Variants in PCLO observed in about 807,000 individuals in gnomAD.
PCLO encodes piccolo presynaptic cytomatrix protein, also known as protein piccolo.
A neutral mutation model predicts 427.5 loss-of-function variants in PCLO; 82 were observed. That is an observed-to-expected ratio of 0.19 (90% confidence interval 0.16 to 0.23). The LOEUF is 0.23. Ranked by LOEUF, PCLO falls within the 10% of genes least tolerant of loss-of-function variation. PCLO has a pLI of 1.00. For synonymous variants in PCLO, 2,357 were observed against 2,155.4 expected, an observed-to-expected ratio of 1.09 and a Z score of -2.59; for missense variants, 6,239 against 6,115.9, an observed-to-expected ratio of 1.02 and a Z score of -0.67.
intron 3 of PCLO, among the ~76,000 whole-genome samples, chr7:83,082,168 AT>A (rs1044895650): frequency 6.6e-6 from 1 of 151,336 alleles, no homozygotes; most frequent in Non-Finnish European, 1.5e-5. Flanking sequence ...AACAATAAAA[AT>A]TTTTCATACG....
chr7:82,785,744 A>G (rs964876301), intron 22 of PCLO, among the ~76,000 whole-genome samples: 2 of 152,176 alleles, frequency 1.3e-5, no homozygotes, highest in African/African-American at 2.4e-5. Context: ...TTCCAGGATC[A>G]AGCATTTTGG....
intron 3 of PCLO, among the ~76,000 whole-genome samples, chr7:83,096,155 T>C (rs116736880): frequency 0.025 from 3,733 of 152,178 alleles, 154 homozygotes; most frequent in African/African-American, 0.084. Flanking sequence ...ACTTCATAAG[T>C]TTTAGAGTGT....
chr7:83,101,604 TGTTA>T (rs1790741263), intron 3 of PCLO, among the ~76,000 whole-genome samples: 3 of 152,136 alleles, frequency 2.0e-5, no homozygotes, highest in East Asian at 1.9e-4. Flanking sequence ...AGTTGATGAG[TGTTA>T]GTTAGCTAAT....
chr7:82,973,497 G>A (rs1795951070), intron 3 of PCLO, among the ~76,000 whole-genome samples: 1 of 152,020 alleles, frequency 6.6e-6, no homozygotes, highest in South Asian at 2.1e-4. Flanking sequence ...CAGTTGAATT[G>A]CTGAATTGAA....
intron 3 of PCLO, among the ~76,000 whole-genome samples, chr7:82,978,694 T>C (rs1178131766): frequency 6.6e-6 from 1 of 152,044 alleles, no homozygotes; most frequent in Non-Finnish European, 1.5e-5. Context: ...GTAAGAATGA[T>C]CAAATCAGAA....
intron 4 of PCLO, among the ~76,000 whole-genome samples, chr7:82,962,561 T>A (rs112652596): frequency 7.9e-4 from 120 of 152,196 alleles, no homozygotes; most frequent in African/African-American, 2.6e-3. Context: ...TAATATTCCC[T>A]GTTTCTCTTA....
chr7:82,918,238 T>C (rs557862979), intron 6 of PCLO, among the ~76,000 whole-genome samples: 1 of 152,140 alleles, frequency 6.6e-6, no homozygotes, highest in African/African-American at 2.4e-5. Flanking sequence ...ATGTCATTTA[T>C]TTCTTCCTAC....
rs758293151 is a variant in PCLO at position 82,916,207 on chromosome 7, T to C, written c.11779A>G (p.Thr3927Ala). The part of the protein sequence containing the change: ...QQVSPYQTQP[T>A]FQAVATMSFT... Reference sequence around the variant, plus strand: ...GACATTGTTGCCACAGCTTGGAATGTTGGCTGAGTCTGATAAGGTGAAACT... The same window carrying C: ...GACATTGTTGCCACAGCTTGGAATGCTGGCTGAGTCTGATAAGGTGAAACT... Residue 3927 changes from threonine to alanine, a missense_variant, in exon 7 of 25, where the codon ACA becomes GCA. Physicochemically the swap from Thr to Ala is moderately conservative, Grantham distance 58. This residue lies in a region of PCLO where 680 missense variants were observed against 677.3 expected (regional missense o/e 1.00). Coordinates refer to ENST00000333891, the MANE Select transcript of PCLO (RefSeq NM_033026.6). The C allele has an allele frequency of 6.2e-7, 1 of 1,613,642 alleles. No individual in the cohort carries two copies. Among genetic ancestry groups the C allele is most frequent in the Admixed American group, 1.7e-5 (1 of 59,980 alleles).
chr7:83,121,799 C>T (rs10257257), intron 3 of PCLO, among the ~76,000 whole-genome samples: 3 of 151,814 alleles, frequency 2.0e-5, no homozygotes, highest in Non-Finnish European at 4.4e-5. Flanking sequence ...TAATGATAAA[C>T]GATTCAATTA....
At chr7:83,099,583 G>A (rs981029707) in intron 3 of PCLO, among the ~76,000 whole-genome samples, 1 of 151,860 alleles carries the variant, frequency 6.6e-6, no homozygotes, top group Non-Finnish European at 1.5e-5. Flanking sequence ...TAGAGACAGG[G>A]TTTCATCATG....
At chr7:83,148,487 G>A (rs1367847757) in intron 2 of PCLO, among the ~76,000 whole-genome samples, 2 of 152,154 alleles carry the variant, frequency 1.3e-5, no homozygotes, top group Non-Finnish European at 2.9e-5. Context: ...CACACCTGAA[G>A]TATGGTAGAT....
intron 3 of PCLO, among the ~76,000 whole-genome samples, chr7:83,037,679 G>A (rs1342198643): frequency 6.6e-6 from 1 of 150,786 alleles, no homozygotes; most frequent in Non-Finnish European, 1.5e-5. Flanking sequence ...GCATATCCTG[G>A]GGCTCTAGCT....
At chr7:83,118,763 A>T (rs917356857) in intron 3 of PCLO, among the ~76,000 whole-genome samples, 1 of 152,118 alleles carries the variant, frequency 6.6e-6, no homozygotes, top group Non-Finnish European at 1.5e-5. Context: ...ATAAATTTGA[A>T]AGGCAGTCTA....
At chr7:82,810,696 T>C (rs1791551221) in intron 20 of PCLO, among the ~76,000 whole-genome samples, 1 of 151,762 alleles carries the variant, frequency 6.6e-6, no homozygotes, top group African/African-American at 2.4e-5. Context: ...AACATCATTG[T>C]GTTTTATTAC....
chr7:82,952,247 T>C lies in PCLO; in HGVS notation c.8706A>G (p.Thr2902=), dbSNP rs529631837. The C allele has an allele frequency of 6.2e-7, 1 of 1,613,918 alleles. No individual in the cohort carries two copies. The highest frequency in any genetic ancestry group is 1.7e-5 in the Admixed American group (1 of 60,012). The change falls in exon 5 of 25, where the codon ACA becomes ACG. Residue 2902 remains threonine (T), a synonymous_variant. Transcript: ENST00000333891. ...TTACGACTGTTCTGTGAGACTTGGT[T>C]GTACTGAGATCCACTACTTCCCCAT... The part of the protein sequence containing the change: ...ITDGEVVDLS[T]TKSHRTVVTM...
At chr7:82,897,097 A>G (rs2116160435) in intron 9 of PCLO, among the ~76,000 whole-genome samples, 1 of 151,778 alleles carries the variant, frequency 6.6e-6, no homozygotes, top group African/African-American at 2.4e-5. Context: ...AAGAGGAAAT[A>G]ACATTTGTTG....
At chr7:83,122,845 C>T (rs375039638) in intron 3 of PCLO, among the ~76,000 whole-genome samples, 8 of 152,036 alleles carry the variant, frequency 5.3e-5, no homozygotes, top group East Asian at 1.9e-4. Context: ...ATGCCAACAG[C>T]GAACAACCTC....
At chr7:83,018,811 C>T in intron 3 of PCLO, among the ~76,000 whole-genome samples, 1 of 152,058 alleles carries the variant, frequency 6.6e-6, no homozygotes, top group Non-Finnish European at 1.5e-5. Flanking sequence ...AATGGGCATG[C>T]ACTTAGTAAA....
chr7:82,829,433 C>G (rs549069796), intron 16 of PCLO, among the ~76,000 whole-genome samples: 5 of 152,202 alleles, frequency 3.3e-5, no homozygotes, highest in African/African-American at 9.6e-5. Context: ...TAAGAAGCAC[C>G]GAGTTGGTGT....
Sources: allele counts gnomAD v4.1 joint callset (sites outside exome capture counted in the v4.1 genomes callset), GRCh38; gene constraint gnomAD v4.1.1; regional missense constraint gnomAD v4.1.1; transcripts MANE v1.5; gene names NCBI Gene and HGNC (gene_info 2026-07-23, HGNC 2026-07-21).